ARHGAP32: variants seen among roughly 807,000 people sequenced by gnomAD.
ARHGAP32 encodes Rho GTPase activating protein 32.
Under a neutral mutation model 186.5 loss-of-function variants are expected in ARHGAP32, and 51 were observed. That is an observed-to-expected ratio of 0.27 (90% confidence interval 0.22 to 0.35). The LOEUF (loss-of-function observed/expected upper bound fraction) is 0.35, where lower values mean the gene tolerates loss of function less well. Ranked by LOEUF, ARHGAP32 falls within the 10% of genes least tolerant of loss-of-function variation. The pLI, the probability that ARHGAP32 is intolerant of heterozygous loss-of-function variation, is 1.00. For synonymous variants in ARHGAP32, 950 were observed against 964.3 expected (o/e 0.99, Z 0.27); for missense variants, 2,186 against 2,623.5 (o/e 0.83, Z 3.64).
At chr11:128,981,977 T>C (rs199682068) in intron 15 of ARHGAP32, 41 bp from the exon 16 acceptor site, 18 of 1,283,000 alleles carry the variant, frequency 1.4e-5, no homozygotes, top group Middle Eastern at 1.9e-4. Context: ...AGAAACATGA[T>C]GCAGCAGTAT....
In ARHGAP32 at chr11:128,988,003, AG is replaced by A; in HGVS notation, c.1298+19del. On this transcript the variant is annotated intron_variant, in intron 13 of 22. Coordinates refer to ENST00000682385, the MANE Select transcript of ARHGAP32 (RefSeq NM_001378024.1). ...TTAATTAGTTAAGAAGGAGTGAAAA[AG>A]TGCCATATAAGATTTTACCGTAGTC... 6 of 1,547,586 alleles carry A rather than the reference AG, an allele frequency of 3.9e-6. No homozygotes were observed. The highest frequency in any genetic ancestry group is 5.3e-6 in the Non-Finnish European group (6 of 1,121,560).
intron 11 of ARHGAP32, among the ~76,000 whole-genome samples, chr11:129,018,999 C>T (rs1341122893): frequency 6.6e-6 from 1 of 152,148 alleles, no homozygotes; most frequent in Non-Finnish European, 1.5e-5. Flanking sequence ...ATGAATAACT[C>T]TGGCGATGTG....
At chr11:129,062,006 G>A (rs141574574) in intron 10 of ARHGAP32, among the ~76,000 whole-genome samples, 1 of 152,238 alleles carries the variant, frequency 6.6e-6, no homozygotes, top group East Asian at 1.9e-4. Flanking sequence ...TCACTCCACA[G>A]GCCTTGTAAC....
chr11:129,011,366 C>T (rs1260563567), intron 11 of ARHGAP32, among the ~76,000 whole-genome samples: 3 of 152,102 alleles, frequency 2.0e-5, no homozygotes, highest in Non-Finnish European at 4.4e-5. Context: ...AATGATACTG[C>T]CTAAATGAAG....
chr11:129,094,756 A>G (rs1229359495), intron 5 of ARHGAP32, among the ~76,000 whole-genome samples: 4 of 152,170 alleles, frequency 2.6e-5, no homozygotes, highest in African/African-American at 9.7e-5. Flanking sequence ...CACCTGCCCC[A>G]TCTTTGGACG....
chr11:129,061,561 TACCTCAA>T (rs1565402436), intron 10 of ARHGAP32, among the ~76,000 whole-genome samples: 2 of 152,178 alleles, frequency 1.3e-5, no homozygotes, highest in African/African-American at 4.8e-5. Flanking sequence ...AGCACCTTAA[TACCTCAA>T]CAGTCAACCT....
chr11:128,998,956 G>A (rs1946274125), intron 11 of ARHGAP32, among the ~76,000 whole-genome samples: 2 of 152,138 alleles, frequency 1.3e-5, no homozygotes, highest in Non-Finnish European at 2.9e-5. Flanking sequence ...TGTGATGATT[G>A]TGTTAACTGC....
intron 10 of ARHGAP32, among the ~76,000 whole-genome samples, chr11:129,060,379 AGAT>A (rs777222393): frequency 3.6e-4 from 53 of 146,570 alleles, no homozygotes; most frequent in South Asian, 6.4e-4. Context: ...ATAGATAGAT[AGAT>A]AAGATAGACA....
chr11:129,268,962 G>C (rs777889312), intron 1 of ARHGAP32, among the ~76,000 whole-genome samples: 3 of 152,214 alleles, frequency 2.0e-5, no homozygotes, highest in Non-Finnish European at 4.4e-5. Flanking sequence ...GTAGCTCAGA[G>C]AGAGGGGGGT....
intron 1 of ARHGAP32, among the ~76,000 whole-genome samples, chr11:129,262,639 T>C (rs942729696): frequency 2.6e-5 from 4 of 152,092 alleles, no homozygotes; most frequent in African/African-American, 9.7e-5. Flanking sequence ...TCCAGTGATC[T>C]GCCTGCCTTG....
At position 128,965,825 on chromosome 11, in the gene ARHGAP32, G is replaced by C. The variant is rs1286030704; in HGVS notation, c.*3082C>G. 1 of 152,182 alleles carries C rather than the reference G, an allele frequency of 6.6e-6. No homozygotes were observed. The highest frequency in any genetic ancestry group is 6.5e-5 in the Admixed American group (1 of 15,272). The allele number at this position is 152,182 out of a possible 1,614,324, so 9.4% of individuals were successfully genotyped here. On this transcript the variant is annotated 3_prime_UTR_variant, in exon 23 of 23. Coordinates refer to ENST00000682385, the MANE Select transcript of ARHGAP32 (RefSeq NM_001378024.1). Reference sequence around the variant, plus strand: ...GGCAAATTTCAAATTTACATCGTTTGCATCTATTACTGCTCCAAATGTGGT... The same window carrying C: ...GGCAAATTTCAAATTTACATCGTTTCCATCTATTACTGCTCCAAATGTGGT...
chr11:129,204,844 T>A (rs1944496624), intron 1 of ARHGAP32, among the ~76,000 whole-genome samples: 1 of 152,224 alleles, frequency 6.6e-6, no homozygotes, highest in African/African-American at 2.4e-5. Context: ...GGGTATCTTA[T>A]TTTGATTTAA....
In ARHGAP32 at chr11:128,970,447, G is replaced by A. The variant is rs1212340906; in HGVS notation, c.4766C>T (p.Pro1589Leu). Residue 1589 changes from proline to leucine, a missense_variant, in exon 23 of 23, where the codon CCA becomes CTA. Coordinates refer to ENST00000682385, the MANE Select transcript of ARHGAP32 (RefSeq NM_001378024.1). This position sits in a 1 kb window ranked among gnomAD's most constrained non-coding sequence, Gnocchi z 5.8. ...VRNTCYPEDI[P>L]PYPTIRRVQS... The stretch of plus-strand genomic sequence containing the variant: ...CACTCTCCGGATGGTAGGGTACGGT[G>A]GAATGTCTTCGGGGTAACAGGTATT... 3 of 1,614,154 alleles carry A rather than the reference G, an allele frequency of 1.9e-6. No individual in the cohort carries two copies. Among genetic ancestry groups the A allele is most frequent in the Non-Finnish European group, 2.5e-6 (3 of 1,180,032 alleles).
At chr11:129,088,425 C>T (rs914064445) in intron 6 of ARHGAP32, among the ~76,000 whole-genome samples, 4 of 151,992 alleles carry the variant, frequency 2.6e-5, no homozygotes, top group African/African-American at 9.7e-5. Flanking sequence ...ACTAAAAATA[C>T]AAAAATTAGC....
Position 128,980,686 on chromosome 11 carries a change from C to G in ARHGAP32, c.1843G>C (p.Glu615Gln), listed in dbSNP as rs917589346. The G allele has an allele frequency of 1.2e-6, 2 of 1,613,758 alleles. No individual in the cohort carries two copies. Among genetic ancestry groups the G allele is most frequent in the African/African-American group, 1.3e-5 (1 of 74,890 alleles). Residue 615 changes from glutamate to glutamine, a missense_variant, in exon 18 of 23, where the codon GAA becomes CAA. Coordinates refer to ENST00000682385, the MANE Select transcript of ARHGAP32 (RefSeq NM_001378024.1). ...GCTTGTGTTCGTGCCTGGGCCTCTT[C>G]CAATGTCAGCAGTTTGGTGGATGGA... is the stretch of plus-strand genomic sequence containing the variant. ...SSPSTKLLTL[E>Q]EAQARTQAQV... is the part of the protein sequence containing the mutation.
chr11:129,277,258 A>G (rs190205049), intron 1 of ARHGAP32, among the ~76,000 whole-genome samples: 16 of 152,246 alleles, frequency 1.1e-4, no homozygotes, highest in Non-Finnish European at 1.9e-4. Flanking sequence ...AGATGAATGT[A>G]TTGCCATTAG....
At chr11:129,137,653 G>A (rs1158084410) in intron 2 of ARHGAP32, among the ~76,000 whole-genome samples, 1 of 151,900 alleles carries the variant, frequency 6.6e-6, no homozygotes, top group East Asian at 1.9e-4. Context: ...TAAAAACTAA[G>A]GTTTTAATCA....
chr11:129,269,090 G>A (rs1945442767), intron 1 of ARHGAP32, among the ~76,000 whole-genome samples: 1 of 151,968 alleles, frequency 6.6e-6, no homozygotes, highest in South Asian at 2.1e-4. Flanking sequence ...GGGCAACACG[G>A]TGAAACCCCA....
chr11:129,141,854 A>C (rs2135429157), intron 2 of ARHGAP32, among the ~76,000 whole-genome samples: 1 of 152,138 alleles, frequency 6.6e-6, no homozygotes, highest in South Asian at 2.1e-4. Flanking sequence ...AAAAGAGATA[A>C]AGGGAAAGAA....
Sources: gnomAD v4.1 joint callset for allele counts (sites outside exome capture counted in the v4.1 genomes callset) on GRCh38, gnomAD v4.1.1 for gene constraint, Gnocchi (gnomAD v3.1) non-coding constraint, MANE v1.5 for transcripts, NCBI Gene and HGNC (gene_info 2026-07-23, HGNC 2026-07-21) for gene names.